The following STEAP1B variants were observed in gnomAD, a reference collection of about 807,000 sequenced individuals.
STEAP1B encodes the protein STEAP family protein MGC87042.
A neutral mutation model predicts 27.9 loss-of-function variants in STEAP1B; 13 were observed. The observed-to-expected ratio is 0.47, with a 90% CI of 0.30 to 0.74. The LOEUF (loss-of-function observed/expected upper bound fraction) is 0.74. STEAP1B is among the 30% of genes least tolerant of loss of function. The probability of loss-of-function intolerance (pLI) is 0.06; values close to 1 mark genes in which losing one functional copy is unlikely to be tolerated. For missense variants in STEAP1B, 250 were observed against 298.7 expected (o/e 0.84, Z 1.20); for synonymous variants, 86 against 107.1 (o/e 0.80, Z 1.22).
At chr7:22,467,119 C>T (rs1318341927) in intron 4 of STEAP1B, among the ~76,000 whole-genome samples, 5 of 152,182 alleles carry the variant, frequency 3.3e-5, no homozygotes, top group Non-Finnish European at 7.4e-5. Flanking sequence ...TGCCAGAAGA[C>T]CCCTTATTTA....
intron 4 of STEAP1B, among the ~76,000 whole-genome samples, chr7:22,439,236 G>C (rs1488657520): frequency 6.6e-6 from 1 of 152,180 alleles, no homozygotes; most frequent in Admixed American, 6.5e-5. Flanking sequence ...TGTGAAGCAT[G>C]ACTTTTCATC....
At chr7:22,497,701 C>T (rs985750671) in intron 1 of STEAP1B, among the ~76,000 whole-genome samples, 36 of 152,154 alleles carry the variant, frequency 2.4e-4, no homozygotes, top group African/African-American at 7.7e-4. Context: ...AGGCTGTTCT[C>T]GCACTGCTAT....
chr7:22,421,954 C>T (rs1166658169), intron 4 of STEAP1B, among the ~76,000 whole-genome samples: 4 of 152,210 alleles, frequency 2.6e-5, no homozygotes, highest in Non-Finnish European at 4.4e-5. Flanking sequence ...TTAGAATTAT[C>T]ACAATTAACT....
intron 4 of STEAP1B, among the ~76,000 whole-genome samples, chr7:22,444,727 C>A (rs1423064968): frequency 1.3e-5 from 2 of 152,330 alleles, no homozygotes; most frequent in East Asian, 3.9e-4. Flanking sequence ...GGAAGTGAAA[C>A]CCTTTCCGGA....
chr7:22,492,319 CAAAAAAAAAAAAAAAAA>C (rs56679156), intron 4 of STEAP1B: 8 of 54,796 alleles, frequency 1.5e-4, no homozygotes, highest in South Asian at 1.6e-3. Context: ...ACTTCATCTC[CAAAAAAAAAAAAAAAAA>C]AAAAAAAAAA....
At chr7:22,465,491 T>A (rs776256940) in intron 4 of STEAP1B, among the ~76,000 whole-genome samples, 1 of 152,226 alleles carries the variant, frequency 6.6e-6, no homozygotes, top group Non-Finnish European at 1.5e-5. Flanking sequence ...CTGATATGTA[T>A]CTAGGTCTAG....
chr7:22,445,697 C>G (rs1785399287), intron 4 of STEAP1B, among the ~76,000 whole-genome samples: 1 of 152,270 alleles, frequency 6.6e-6, no homozygotes. Flanking sequence ...GATGCAAGAG[C>G]AGCAGGGAGG....
chr7:22,489,043 G>A (rs10234642), intron 4 of STEAP1B, among the ~76,000 whole-genome samples: 15,252 of 152,164 alleles, frequency 0.1, 887 homozygotes, highest in African/African-American at 0.15. Flanking sequence ...CACAGAGCAG[G>A]CAACAGCGAC....
intron 4 of STEAP1B, among the ~76,000 whole-genome samples, chr7:22,441,267 G>A (rs750067313): frequency 3.3e-5 from 5 of 152,176 alleles, no homozygotes; most frequent in Non-Finnish European, 5.9e-5. Flanking sequence ...GCTCACAGCA[G>A]CCTGTGTCAG....
At chr7:22,480,184 C>A (rs1005616859) in intron 4 of STEAP1B, among the ~76,000 whole-genome samples, 1 of 152,168 alleles carries the variant, frequency 6.6e-6, no homozygotes, top group African/African-American at 2.4e-5. Flanking sequence ...TTTATACTTA[C>A]AAAACAAGAA....
chr7:22,493,260 A>G (rs1011753551), intron 3 of STEAP1B, 64 bp downstream of exon 3: 20 of 1,469,400 alleles, frequency 1.4e-5, no homozygotes, highest in East Asian at 9.4e-5. Flanking sequence ...TACAATGAGA[A>G]ATGATTAATT....
At chr7:22,456,970 A>ATTTTTTTTTTTTTT (rs1457986338) in intron 4 of STEAP1B, among the ~76,000 whole-genome samples, 12 of 26,160 alleles carry the variant, frequency 4.6e-4, no homozygotes, top group African/African-American at 1.2e-3. Flanking sequence ...ATATATATAT[A>ATTTTTTTTTTTTTT]TATTTTTTTT....
intron 4 of STEAP1B, among the ~76,000 whole-genome samples, chr7:22,447,392 G>C (rs1374593971): frequency 6.6e-6 from 1 of 152,192 alleles, no homozygotes; most frequent in Non-Finnish European, 1.5e-5. Context: ...TGGAAGATCA[G>C]TCAATATTGT....
intron 4 of STEAP1B, among the ~76,000 whole-genome samples, chr7:22,478,066 C>G (rs573776573): frequency 6.6e-6 from 1 of 152,232 alleles, no homozygotes; most frequent in African/African-American, 2.4e-5. Context: ...GCTGGGCGGC[C>G]TGAGAGTGGG....
At chr7:22,461,320 T>C (rs942717617) in intron 4 of STEAP1B, among the ~76,000 whole-genome samples, 2 of 152,182 alleles carry the variant, frequency 1.3e-5, no homozygotes, top group Non-Finnish European at 2.9e-5. Context: ...TAGAGTGCAA[T>C]GGCATGATCT....
At chr7:22,457,117 T>C (rs1785601371) in intron 4 of STEAP1B, among the ~76,000 whole-genome samples, 1 of 151,326 alleles carries the variant, frequency 6.6e-6, no homozygotes, top group Non-Finnish European at 1.5e-5. Flanking sequence ...TCTCTAAATG[T>C]CCTGGGATAA....
chr7:22,438,923 A>G (rs1171077571), intron 4 of STEAP1B, among the ~76,000 whole-genome samples: 2 of 152,114 alleles, frequency 1.3e-5, no homozygotes, highest in African/African-American at 4.8e-5. Context: ...TTGGTAATAA[A>G]TGTTTTCAGC....
intron 4 of STEAP1B, among the ~76,000 whole-genome samples, chr7:22,421,925 T>C (rs1331464107): frequency 1.3e-5 from 2 of 152,236 alleles, no homozygotes; most frequent in Non-Finnish European, 2.9e-5. Context: ...AAATCTGCAG[T>C]ATGGATAAAA....
intron 4 of STEAP1B, among the ~76,000 whole-genome samples, chr7:22,435,643 C>T (rs1490111157): frequency 6.6e-6 from 1 of 152,078 alleles, no homozygotes; most frequent in East Asian, 1.9e-4. Context: ...CACATAAAAT[C>T]GTGAGAAACT....
Sources: allele counts gnomAD v4.1 joint callset (sites outside exome capture counted in the v4.1 genomes callset), GRCh38; gene constraint gnomAD v4.1.1; transcripts MANE v1.5; gene names NCBI Gene and HGNC (gene_info 2026-07-23, HGNC 2026-07-21).